Variants in SHISA9 observed in about 807,000 individuals in gnomAD.
SHISA9 encodes shisa family member 9.
In SHISA9, 13 loss-of-function variants were observed where a neutral mutation model predicts 38.0. The observed-to-expected ratio is 0.34, with a 90% CI of 0.22 to 0.54. The LOEUF is 0.54. SHISA9 is among the 20% of genes least tolerant of loss of function. The probability of loss-of-function intolerance (pLI) is 0.91; values close to 1 mark genes in which losing one functional copy is unlikely to be tolerated. For synonymous variants in SHISA9, 275 were observed against 242.0 expected (o/e 1.14, Z -1.27); for missense variants, 538 against 575.8 (o/e 0.93, Z 0.67).
At chr16:13,090,778 G>A (rs1233516285) in intron 2 of SHISA9, among the ~76,000 whole-genome samples, 3 of 152,138 alleles carry the variant, frequency 2.0e-5, no homozygotes, top group African/African-American at 4.8e-5. Flanking sequence ...TTTAATTGGG[G>A]CATTTAGCCC....
At chr16:12,973,321 C>A (rs774466287) in intron 2 of SHISA9, among the ~76,000 whole-genome samples, 14 of 152,170 alleles carry the variant, frequency 9.2e-5, no homozygotes, top group Non-Finnish European at 2.1e-4. Flanking sequence ...GCCCTCTGGA[C>A]TGAACTGATT....
At chr16:13,234,426 T>C (rs2051360927) in intron 4 of SHISA9, among the ~76,000 whole-genome samples, 1 of 152,254 alleles carries the variant, frequency 6.6e-6, no homozygotes, top group Non-Finnish European at 1.5e-5. Flanking sequence ...AAGCTGATGC[T>C]GACAAATGTT....
the SHISA9 span, among the ~76,000 whole-genome samples, chr16:13,532,588 C>T: frequency 1.7e-5 from 2 of 116,640 alleles, no homozygotes; most frequent in Non-Finnish European, 3.8e-5. Context: ...TGTGTGTGAA[C>T]GCTAACTAAA....
chr16:13,392,340 G>A, the SHISA9 span, among the ~76,000 whole-genome samples: 1 of 152,042 alleles, frequency 6.6e-6, no homozygotes, highest in Admixed American at 6.5e-5. Flanking sequence ...ATTTTTCATG[G>A]TAAAAGTGGA....
At chr16:13,488,104 G>T in the SHISA9 span, among the ~76,000 whole-genome samples, 1 of 152,084 alleles carries the variant, frequency 6.6e-6, no homozygotes, top group Non-Finnish European at 1.5e-5. Flanking sequence ...ACCACCAGGG[G>T]GGTTTGTTAG....
chr16:13,058,730 T>C lies in SHISA9; in HGVS notation c.691+141915T>C, dbSNP rs527699570. On this transcript the variant is annotated intron_variant, in intron 2 of 4. Transcript: ENST00000558583. ...CATCCCCCATGATGGCTACATGTCA[T>C]TGACCAGTGGTGTGGTGTATTTGTG... Among the ~76,000 whole-genome samples, 7 of 151,862 alleles carry C rather than the reference T, an allele frequency of 4.6e-5. No homozygotes were observed. The South Asian group carries it at 1.5e-3, about 32-fold the overall frequency.
At chr16:13,126,408 C>A (rs574288323) in intron 2 of SHISA9, among the ~76,000 whole-genome samples, 2 of 150,772 alleles carry the variant, frequency 1.3e-5, no homozygotes, top group African/African-American at 4.9e-5. Context: ...TTAATCAGTG[C>A]AGAGAGAGGA....
the SHISA9 span, among the ~76,000 whole-genome samples, chr16:13,554,516 CT>C: frequency 0.32 from 42,435 of 131,504 alleles, 6,197 homozygotes; most frequent in Middle Eastern, 0.46. Context: ...TCTTCTCTTT[CT>C]TTTTTTTTTT....
chr16:13,188,365 T>C (rs1313893790), intron 2 of SHISA9, among the ~76,000 whole-genome samples: 1 of 151,940 alleles, frequency 6.6e-6, no homozygotes, highest in Non-Finnish European at 1.5e-5. Context: ...CAGTAAGGAG[T>C]GAGGCTAAGT....
chr16:13,329,305 T>G, the SHISA9 span, among the ~76,000 whole-genome samples: 5 of 152,132 alleles, frequency 3.3e-5, no homozygotes, highest in East Asian at 3.9e-4. Flanking sequence ...TTTCTTCTAT[T>G]AAACCTCCGC....
chr16:13,365,433 T>C, the SHISA9 span, among the ~76,000 whole-genome samples: 1 of 150,176 alleles, frequency 6.7e-6, no homozygotes, highest in African/African-American at 2.5e-5. Context: ...CCCTCTTAAC[T>C]CTCCTACAGA....
chr16:13,560,409 G>C, the SHISA9 span, among the ~76,000 whole-genome samples: 1 of 152,120 alleles, frequency 6.6e-6, no homozygotes, highest in African/African-American at 2.4e-5. Context: ...CTAAGTATTG[G>C]TATCAGCACC....
At chr16:13,015,316 A>G (rs2072727675) in intron 2 of SHISA9, among the ~76,000 whole-genome samples, 1 of 152,246 alleles carries the variant, frequency 6.6e-6, no homozygotes, top group Admixed American at 6.5e-5. Context: ...GAAAAAGTTT[A>G]CTGACCTCTG....
the SHISA9 span, among the ~76,000 whole-genome samples, chr16:13,409,556 T>A: frequency 6.6e-6 from 1 of 152,356 alleles, no homozygotes; most frequent in East Asian, 1.9e-4. Context: ...TCACACATCC[T>A]GTGATGGGGA....
At chr16:13,047,762 G>C (rs1412905800) in intron 2 of SHISA9, among the ~76,000 whole-genome samples, 1 of 152,088 alleles carries the variant, frequency 6.6e-6, no homozygotes, top group Non-Finnish European at 1.5e-5. Flanking sequence ...ACAACCCTAT[G>C]GGCTTATTGC....
At chr16:13,461,771 G>A in the SHISA9 span, among the ~76,000 whole-genome samples, 1 of 150,816 alleles carries the variant, frequency 6.6e-6, no homozygotes, top group Non-Finnish European at 1.5e-5. Flanking sequence ...CCGCCACCAC[G>A]CCCAGCTAAT....
intron 2 of SHISA9, among the ~76,000 whole-genome samples, chr16:12,949,715 T>G (rs1471457311): frequency 1.3e-5 from 2 of 152,188 alleles, no homozygotes; most frequent in African/African-American, 4.8e-5. Flanking sequence ...AGTTCACTTA[T>G]TTTTTATATT....
At chr16:13,496,100 G>A in the SHISA9 span, among the ~76,000 whole-genome samples, 28 of 152,182 alleles carry the variant, frequency 1.8e-4, no homozygotes, top group African/African-American at 6.5e-4. Context: ...CCACTGTCTG[G>A]AAATATACAT....
the SHISA9 span, among the ~76,000 whole-genome samples, chr16:13,394,800 G>A: frequency 6.6e-6 from 1 of 152,170 alleles, no homozygotes; most frequent in South Asian, 2.1e-4. Flanking sequence ...GAATCAGGAC[G>A]AATGAGAGGC....
Sources: gnomAD v4.1 joint callset for allele counts (sites outside exome capture counted in the v4.1 genomes callset) on GRCh38, gnomAD v4.1.1 for gene constraint, MANE v1.5 for transcripts, NCBI Gene and HGNC (gene_info 2026-07-23, HGNC 2026-07-21) for gene names.